DEPDC5: variants seen among roughly 807,000 people sequenced by gnomAD.
The protein encoded by DEPDC5 is DEP domain containing 5, GATOR1 subcomplex subunit.
Under a neutral mutation model 217.3 loss-of-function variants are expected in DEPDC5, and 73 were observed. That is an observed-to-expected ratio of 0.34 (90% CI 0.28 to 0.41). The LOEUF (loss-of-function observed/expected upper bound fraction) is 0.41. Among genes scored for constraint, DEPDC5 ranks in the 10% least tolerant of loss-of-function variants. DEPDC5 has a pLI of 1.00. For missense variants in DEPDC5, 1,675 were observed against 2,070.1 expected (o/e 0.81, Z 3.70); for synonymous variants, 733 against 756.7 (o/e 0.97, Z 0.51).
At position 31,819,110 on chromosome 22, in the gene DEPDC5, T is replaced by C; in HGVS notation, c.1755T>C (p.His585=). The change falls in exon 22 of 43, where the codon CAT becomes CAC. Residue 585 remains histidine (H), a synonymous_variant. Coordinates refer to ENST00000651528, the MANE Select transcript of DEPDC5 (RefSeq NM_001242896.3). ...FHVGSAESML[H]VRPGGYTPQR... is the part of the protein sequence containing the mutation. The stretch of plus-strand genomic sequence containing the variant: ...TTGGCAGTGCAGAATCCATGCTGCA[T>C]GTTCGACCTGGTGGATACACGCCCC... 1.2e-6 allele frequency: 2 copies of C among 1,614,202 alleles called. No homozygotes were observed. Among genetic ancestry groups the C allele is most frequent in the Non-Finnish European group, 1.7e-6 (2 of 1,180,026 alleles).
At chr22:31,855,113 C>T (rs918583269) in intron 31 of DEPDC5, among the ~76,000 whole-genome samples, 3 of 151,756 alleles carry the variant, frequency 2.0e-5, no homozygotes, top group African/African-American at 4.8e-5. Flanking sequence ...TACAGACGTG[C>T]GCCACCACGC....
At chr22:31,822,066 T>C (rs1245819929) in intron 23 of DEPDC5, among the ~76,000 whole-genome samples, 1 of 152,210 alleles carries the variant, frequency 6.6e-6, no homozygotes, top group Non-Finnish European at 1.5e-5. Context: ...TAGAATAAGT[T>C]AATGCTAAGG....
intron 38 of DEPDC5, among the ~76,000 whole-genome samples, chr22:31,881,545 A>G (rs1382670692): frequency 6.6e-6 from 1 of 152,136 alleles, no homozygotes; most frequent in Non-Finnish European, 1.5e-5. Flanking sequence ...TGGGGTGCTC[A>G]CTTCCAGCAA....
chr22:31,829,735 GTGT>G (rs942310310), intron 24 of DEPDC5, among the ~76,000 whole-genome samples: 13 of 152,252 alleles, frequency 8.5e-5, no homozygotes, highest in Non-Finnish European at 1.6e-4. Context: ...TTCATTTGGA[GTGT>G]TGTTGGTGGG....
At position 31,778,102 on chromosome 22, in the gene DEPDC5, A is replaced by C; in HGVS notation, c.417A>C (p.Ala139=). The part of the protein sequence containing the change: ...TQKVEFAGIR[A]QAGELWVKNE... Reference sequence around the variant, plus strand: ...ACTTGTGTGTGTATTCTTTCAGAGCACAGGCTGGTGAACTGTGGGTTAAGA... The same window carrying C: ...ACTTGTGTGTGTATTCTTTCAGAGCCCAGGCTGGTGAACTGTGGGTTAAGA... Residue 139 remains alanine, a synonymous_variant, in exon 8 of 43, where the codon GCA becomes GCC. Transcript: ENST00000651528. 6.2e-7 allele frequency: 1 copy of C among 1,614,210 alleles called. No homozygotes were observed. Among genetic ancestry groups the C allele is most frequent in the Non-Finnish European group, 8.5e-7 (1 of 1,180,040 alleles).
At chr22:31,895,831 C>T (rs543501111) in intron 39 of DEPDC5, among the ~76,000 whole-genome samples, 1 of 151,828 alleles carries the variant, frequency 6.6e-6, no homozygotes, top group East Asian at 1.9e-4. Context: ...TGGAAAGACT[C>T]TCATCTGGGG....
At chr22:31,846,198 T>C (rs1390632817) in intron 30 of DEPDC5, among the ~76,000 whole-genome samples, 1 of 152,196 alleles carries the variant, frequency 6.6e-6, no homozygotes, top group Non-Finnish European at 1.5e-5. Context: ...ACTTTTGTCT[T>C]TTCCAAACAT....
intron 40 of DEPDC5, among the ~76,000 whole-genome samples, chr22:31,898,440 G>A (rs560454579): frequency 6.6e-6 from 1 of 152,308 alleles, no homozygotes; most frequent in South Asian, 2.1e-4. Flanking sequence ...GTTCACAGAT[G>A]ATCTTTTTTA....
intron 7 of DEPDC5, among the ~76,000 whole-genome samples, chr22:31,775,553 A>C (rs2083753606): frequency 6.6e-6 from 1 of 152,096 alleles, no homozygotes; most frequent in Non-Finnish European, 1.5e-5. Context: ...GGTAGAAGAT[A>C]AGGGCTTGAG....
chr22:31,788,915 C>G (rs1222848652), intron 10 of DEPDC5, among the ~76,000 whole-genome samples: 1 of 151,964 alleles, frequency 6.6e-6, no homozygotes, highest in South Asian at 2.1e-4. Context: ...TTTTTAGAGA[C>G]AGTCTCGCTC....
chr22:31,890,441 G>C (rs766933727), intron 38 of DEPDC5: 15 of 152,072 alleles, frequency 9.9e-5, no homozygotes, highest in Admixed American at 5.9e-4. Flanking sequence ...GGCCAGGCAT[G>C]GTGGCTCATT....
intron 10 of DEPDC5, among the ~76,000 whole-genome samples, chr22:31,787,881 A>T (rs1353109363): frequency 2.0e-5 from 3 of 151,926 alleles, no homozygotes; most frequent in Non-Finnish European, 4.4e-5. Context: ...TATTATTTGC[A>T]AATTATTTTC....
intron 12 of DEPDC5, among the ~76,000 whole-genome samples, chr22:31,794,372 A>C (rs1397377300): frequency 2.0e-5 from 3 of 152,140 alleles, no homozygotes; most frequent in Non-Finnish European, 4.4e-5. Context: ...TGTATAATGA[A>C]TATGAATTAA....
chr22:31,835,382 G>A (rs539585580), intron 25 of DEPDC5, among the ~76,000 whole-genome samples: 1 of 152,268 alleles, frequency 6.6e-6, no homozygotes, highest in South Asian at 2.1e-4. Flanking sequence ...TTCAGAACCA[G>A]AAGATACTGG....
At chr22:31,815,301 T>C (rs2088941666) in intron 21 of DEPDC5, 89 bp downstream of exon 21, 1 of 1,376,138 alleles carries the variant, frequency 7.3e-7, no homozygotes, top group Admixed American at 1.9e-5. Context: ...AGAGGTGGGG[T>C]GTAAATCCCA....
At chr22:31,869,737 C>T (rs1025036091) in intron 33 of DEPDC5, among the ~76,000 whole-genome samples, 1 of 151,978 alleles carries the variant, frequency 6.6e-6, no homozygotes, top group African/African-American at 2.4e-5. Flanking sequence ...TCAGGTCAAG[C>T]CAATGTTGTG....
chr22:31,821,466 G>A lies in DEPDC5; in HGVS notation c.1871-36G>A, dbSNP rs368070917. The A allele has an allele frequency of 6.9e-4, 1,117 of 1,611,358 alleles. 16 individuals are homozygous for A. In the South Asian group the frequency reaches 8.9e-3, roughly 13 times the overall value. On this transcript the variant is annotated intron_variant, in intron 22 of 42. Transcript: ENST00000651528. ...TTAAGTGCACAGCACTAGCTATCAG[G>A]TGGGAATGATGCTCAGTGGTTCTTT...
chr22:31,798,046 G>A lies in DEPDC5; in HGVS notation c.871+343G>A, dbSNP rs139366626. Among the ~76,000 whole-genome samples the A allele has an allele frequency of 5.6e-3, 853 of 151,658 alleles. 3 individuals are homozygous for A. Among genetic ancestry groups the A allele is most frequent in the African/African-American group, 0.018 (729 of 41,362 alleles). On this transcript the variant is annotated intron_variant, in intron 13 of 42. Transcript: ENST00000651528. ...AGCAATCCTCCTGCCTCAGCCTCCCGGGTAGCTAGGACGACAGGCATGCAC... is the reference window on the plus strand; with the variant it reads ...AGCAATCCTCCTGCCTCAGCCTCCCAGGTAGCTAGGACGACAGGCATGCAC...
At chr22:31,828,452 CAAAAAAAAAAAAA>C (rs35489633) in intron 24 of DEPDC5, among the ~76,000 whole-genome samples, 1 of 73,202 alleles carries the variant, frequency 1.4e-5, no homozygotes, top group Non-Finnish European at 2.6e-5. Context: ...AACTCCGTCT[CAAAAAAAAAAAAA>C]AAAAAAAAAC....
Sources: gnomAD v4.1 joint callset for allele counts (sites outside exome capture counted in the v4.1 genomes callset) on GRCh38, gnomAD v4.1.1 for gene constraint, MANE v1.5 for transcripts, NCBI Gene and HGNC (gene_info 2026-07-23, HGNC 2026-07-21) for gene names.